The following SLC25A42 variants were observed in gnomAD, a reference collection of about 807,000 sequenced individuals.
The protein encoded by SLC25A42 is mitochondrial coenzyme A transporter SLC25A42.
A neutral mutation model predicts 34.7 loss-of-function variants in SLC25A42; 19 were observed. The observed-to-expected ratio is 0.55, with a 90% CI of 0.38 to 0.80. SLC25A42 has a LOEUF of 0.80. SLC25A42 is among the 30% of genes least tolerant of loss of function. The pLI, the probability that SLC25A42 is intolerant of heterozygous loss-of-function variation, is 0.00. For synonymous variants in SLC25A42, 205 were observed against 191.2 expected (o/e 1.07, Z -0.59); for missense variants, 364 against 441.3 (o/e 0.82, Z 1.57).
chr19:19,069,350 G>T (rs1164743088), intron 1 of SLC25A42, among the ~76,000 whole-genome samples: 1 of 152,188 alleles, frequency 6.6e-6, no homozygotes, highest in Non-Finnish European at 1.5e-5. Flanking sequence ...CAGCTGAGGG[G>T]CAGGCCAACA....
At chr19:19,074,698 A>T (rs1282186439) in intron 1 of SLC25A42, among the ~76,000 whole-genome samples, 1 of 151,326 alleles carries the variant, frequency 6.6e-6, no homozygotes, top group African/African-American at 2.4e-5. Flanking sequence ...AGTGTGTGTG[A>T]GAGAGTGTGT....
Position 19,067,782 on chromosome 19 carries a change from C to T in SLC25A42, c.-35+3667C>T, listed in dbSNP as rs1308171878. ...ATGAGGGCATCATGAGAGATTGAGA[C>T]GAGTCAGATGTTAAATCTGTCTGGG... On this transcript the variant is annotated intron_variant, in intron 1 of 7. Coordinates refer to ENST00000318596, the MANE Select transcript of SLC25A42 (RefSeq NM_178526.5). Among the ~76,000 whole-genome samples, 4 of 151,396 alleles carry T rather than the reference C, an allele frequency of 2.6e-5. No homozygotes were observed. The East Asian group carries it at 5.8e-4, about 22-fold the overall frequency.
intron 2 of SLC25A42, among the ~76,000 whole-genome samples, chr19:19,099,182 C>T (rs2059781796): frequency 6.6e-6 from 1 of 152,168 alleles, no homozygotes; most frequent in Non-Finnish European, 1.5e-5. Flanking sequence ...ACGTCTGCAA[C>T]CTGGCTGCAT....
chr19:19,083,890 C>T (rs534205312), intron 1 of SLC25A42, among the ~76,000 whole-genome samples: 3 of 151,660 alleles, frequency 2.0e-5, no homozygotes, highest in African/African-American at 7.3e-5. Flanking sequence ...ACCCCACCAC[C>T]CCAGCATGCC....
Position 19,106,400 on chromosome 19 carries a change from C to A in SLC25A42, c.497+15C>A. 1 of 1,596,080 alleles carries A rather than the reference C, an allele frequency of 6.3e-7. No homozygotes were observed. The highest frequency in any genetic ancestry group is 8.6e-7 in the Non-Finnish European group (1 of 1,166,426). ...CCGAAGGAAATGTGAGTCCTTACATCGGTGATGCGCATCAGCCCCGGGGGC... is the reference window on the plus strand; with the variant it reads ...CCGAAGGAAATGTGAGTCCTTACATAGGTGATGCGCATCAGCCCCGGGGGC... On this transcript the variant is annotated intron_variant, in intron 6 of 7. Transcript: ENST00000318596.
Position 19,110,943 on chromosome 19 carries a change from T to G in SLC25A42, c.*67T>G. 1 of 1,557,334 alleles carries G rather than the reference T, an allele frequency of 6.4e-7. No individual in the cohort carries two copies. Among genetic ancestry groups the G allele is most frequent in the South Asian group, 1.1e-5 (1 of 87,420 alleles). Reference sequence around the variant, plus strand: ...TTTGTATTCTGGGCCCATGGAACGGTGGGGGGGTGCGCTTGATTCTACTTC... The same window carrying G: ...TTTGTATTCTGGGCCCATGGAACGGGGGGGGGGTGCGCTTGATTCTACTTC... On this transcript the variant is annotated 3_prime_UTR_variant, in exon 8 of 8. Transcript: ENST00000318596.
intron 1 of SLC25A42, among the ~76,000 whole-genome samples, chr19:19,091,562 A>C (rs1454052733): frequency 3.9e-5 from 6 of 152,046 alleles, no homozygotes; most frequent in Non-Finnish European, 7.4e-5. Context: ...GGGAAAAAAC[A>C]AATTAAGTAC....
intron 1 of SLC25A42, among the ~76,000 whole-genome samples, chr19:19,073,152 G>A (rs893955651): frequency 6.6e-6 from 1 of 152,236 alleles, no homozygotes; most frequent in Non-Finnish European, 1.5e-5. Flanking sequence ...GCTGCTGTGG[G>A]AGGGATGGCT....
At position 19,096,211 on chromosome 19, in the gene SLC25A42, T is replaced by C. The variant is rs976603492; in HGVS notation, c.81+6T>C. The C allele has an allele frequency of 1.2e-6, 2 of 1,604,008 alleles. No individual in the cohort carries two copies. The highest frequency in any genetic ancestry group is 3.3e-5 in the Admixed American group (2 of 59,834). On this transcript the variant is annotated splice_donor_region_variant and intron_variant, in intron 2 of 7. Transcript: ENST00000318596. ...CCTCGTCCGTCTCATCAAAGGCAAG[T>C]ACCCCGGCCTCCTGGGATGGGTGTT... is the stretch of plus-strand genomic sequence containing the variant.
intron 6 of SLC25A42, 108 bp downstream of exon 6, chr19:19,106,493 C>A: frequency 1.2e-6 from 1 of 818,838 alleles, no homozygotes; most frequent in Non-Finnish European, 1.9e-6. Context: ...TGCATCTGGG[C>A]CTCCGTGTCC....
rs529518319 is a variant in SLC25A42, at chr19:19,109,992, G to A, written c.650-577G>A. 2.0e-5 allele frequency among the ~76,000 whole-genome samples: 3 copies of A among 152,252 alleles called. No individual in the cohort carries two copies. The South Asian group carries it at 6.2e-4, about 32-fold the overall frequency. On this transcript the variant is annotated intron_variant, in intron 7 of 7. Transcript: ENST00000318596. This position sits in a 1 kb window ranked among gnomAD's most constrained non-coding sequence, Gnocchi z 4.1. Reference sequence around the variant, plus strand: ...ACTAGACGTGGAGTAGAGCTGATTAGATGTGAGCAGTGGCTCTAGGAGTTG... The same window carrying A: ...ACTAGACGTGGAGTAGAGCTGATTAAATGTGAGCAGTGGCTCTAGGAGTTG...
chr19:19,105,938 T>C (rs2059824855), intron 5 of SLC25A42: 2 of 570,224 alleles, frequency 3.5e-6, no homozygotes, highest in Non-Finnish European at 6.2e-6. Context: ...TCAGAGCTCC[T>C]CTCCTTTGCC....
At position 19,111,080 on chromosome 19, in the gene SLC25A42, A is replaced by G; in HGVS notation, c.*204A>G. ...GCCCTGGAAGTGCAGTGTTGGGGCG[A>G]TGGTGTGGGGGGTCCCGCAGCTCCC... On this transcript the variant is annotated 3_prime_UTR_variant, in exon 8 of 8. Transcript: ENST00000318596. The G allele has an allele frequency of 1.6e-6, 1 of 606,074 alleles. No homozygotes were observed. Among genetic ancestry groups the G allele is most frequent in the Admixed American group, 3.1e-5 (1 of 32,602 alleles). The allele number at this position is 606,074 out of a possible 1,614,324, so 37.5% of individuals were successfully genotyped here. A position where few individuals can be genotyped will look rare whatever the true frequency, so the allele number is the denominator to read the frequency against.
At chr19:19,070,038 G>A (rs1364341504) in intron 1 of SLC25A42, among the ~76,000 whole-genome samples, 2 of 151,944 alleles carry the variant, frequency 1.3e-5, no homozygotes, top group East Asian at 1.9e-4. Flanking sequence ...CTATCGCCCA[G>A]GCTGGAGTGC....
At chr19:19,077,190 A>G (rs373312654) in intron 1 of SLC25A42, among the ~76,000 whole-genome samples, 6 of 152,206 alleles carry the variant, frequency 3.9e-5, no homozygotes, top group Non-Finnish European at 5.9e-5. Context: ...TGTGTCAAAA[A>G]TAAATAAATA....
Position 19,090,292 on chromosome 19 carries a change from G to A in SLC25A42, c.-34-5799G>A, listed in dbSNP as rs540614310. On this transcript the variant is annotated intron_variant, in intron 1 of 7. Transcript: ENST00000318596. ...GGCAGAGGTGCCACCCCAAGTGGCC[G>A]CCCCATGCAGAAGAGGAAAATATCT... Among the ~76,000 whole-genome samples, 11 of 152,180 alleles carry A rather than the reference G, an allele frequency of 7.2e-5. No homozygotes were observed. The East Asian group carries it at 7.7e-4, about 11-fold the overall frequency.
rs776302265 is a variant in SLC25A42, at chr19:19,106,303, G to T, written c.415G>T (p.Ala139Ser). 9 of 1,612,994 alleles carry T rather than the reference G, an allele frequency of 5.6e-6. No individual in the cohort carries two copies. The South Asian group carries it at 8.8e-5, about 16-fold the overall frequency. ...CCCTTGGCCTCGCCTCTTCGCCGGC[G>T]CACTGGCTGGAACGACAGCCGCTTC... is the stretch of plus-strand genomic sequence containing the variant. ...LPPWPRLFAG[A>S]LAGTTAASLT... is the part of the protein sequence containing the mutation. The change falls in exon 6 of 8, where the codon GCA becomes TCA. Residue 139 changes from alanine to serine, a missense_variant. Coordinates refer to ENST00000318596, the MANE Select transcript of SLC25A42 (RefSeq NM_178526.5).
Position 19,110,783 on chromosome 19 carries a change from G to C in SLC25A42, c.864G>C (p.Leu288Phe), listed in dbSNP as rs764432730. ...CCGTGCGCGGCCTCTACAAAGGCTT[G>C]AGCATGAACTGGGTCAAGGGTCCCA... Reference protein sequence around the residue: ...EGAVRGLYKGLSMNWVKGPIA... With the variant: ...EGAVRGLYKGFSMNWVKGPIA... Residue 288 changes from leucine (L) to phenylalanine (F), a missense_variant, in exon 8 of 8, where the codon TTG becomes TTC. Coordinates refer to ENST00000318596, the MANE Select transcript of SLC25A42 (RefSeq NM_178526.5). 2.5e-6 allele frequency: 4 copies of C among 1,613,760 alleles called. No homozygotes were observed. The highest frequency in any genetic ancestry group is 3.4e-6 in the Non-Finnish European group (4 of 1,179,992).
At position 19,112,083 on chromosome 19, in the gene SLC25A42, CTTTT is replaced by C. The variant is rs900156107; in HGVS notation, c.*1212_*1215del. On this transcript the variant is annotated 3_prime_UTR_variant, in exon 8 of 8. Coordinates refer to ENST00000318596, the MANE Select transcript of SLC25A42 (RefSeq NM_178526.5). This position sits in a 1 kb window ranked among gnomAD's most constrained non-coding sequence, Gnocchi z 4.3. ...AATGACATGGTGAGTTTCTTGATTT[CTTTT>C]TTTTGTTTGTTTTGTTTTGGTTTTC... is the stretch of plus-strand genomic sequence containing the variant. 10 of 152,068 alleles carry C rather than the reference CTTTT, an allele frequency of 6.6e-5. No homozygotes were observed. Among genetic ancestry groups the C allele is most frequent in the African/African-American group, 2.4e-4 (10 of 41,368 alleles). 9.4% of individuals were successfully genotyped at this position (152,068 alleles called of 1,614,324 possible).
Sources: gnomAD v4.1 joint callset for allele counts (sites outside exome capture counted in the v4.1 genomes callset) on GRCh38, gnomAD v4.1.1 for gene constraint, Gnocchi (gnomAD v3.1) non-coding constraint, MANE v1.5 for transcripts, NCBI Gene and HGNC (gene_info 2026-07-23, HGNC 2026-07-21) for gene names.